IQGAP3: variants seen among roughly 807,000 people sequenced by gnomAD.
IQGAP3 encodes IQ motif containing GTPase activating protein 3.
In IQGAP3, 165 loss-of-function variants were observed where a neutral mutation model predicts 208.2. The observed-to-expected ratio is 0.79, with a 90% confidence interval of 0.70 to 0.90. The LOEUF is 0.90. IQGAP3 is among the 40% of genes least tolerant of loss of function. The probability of loss-of-function intolerance (pLI) is 0.00; values close to 1 mark genes in which losing one functional copy is unlikely to be tolerated. For synonymous variants in IQGAP3, 703 were observed against 803.6 expected (o/e 0.87, Z 2.12); for missense variants, 1,811 against 2,043.1 (o/e 0.89, Z 2.19).
rs768894935 is a variant in IQGAP3, at chr1:156,572,514, C to G, written c.16G>C (p.Ala6Pro). 2 of 1,612,362 alleles carry G rather than the reference C, an allele frequency of 1.2e-6. No homozygotes were observed. Among genetic ancestry groups the G allele is most frequent in the Non-Finnish European group, 1.7e-6 (2 of 1,179,988 alleles). ...TCACAGGCTGCCCAGCCTGGGCCCG[C>G]TGCTCTCCTCTCCATGTTCCTCCTT... MERRA[A>P]GPGWAAYERL... The change falls in exon 1 of 38, where the codon GCG becomes CCG. Residue 6 changes from alanine to proline, a missense_variant. By Grantham distance (27) the Ala-to-Pro change is conservative. Coordinates refer to ENST00000361170, the MANE Select transcript of IQGAP3 (RefSeq NM_178229.5).
chr1:156,572,320 T>G (rs1676681591), intron 1 of IQGAP3, among the ~76,000 whole-genome samples, 173 bp downstream of exon 1: 1 of 152,216 alleles, frequency 6.6e-6, no homozygotes, highest in African/African-American at 2.4e-5. Context: ...CCGCTCACAG[T>G]TCCACTCGGG....
chr1:156,533,354 C>T (rs1674516228), intron 31 of IQGAP3, among the ~76,000 whole-genome samples: 1 of 152,156 alleles, frequency 6.6e-6, no homozygotes, highest in East Asian at 1.9e-4. Flanking sequence ...CCCACACCCT[C>T]AGCCCTGGGT....
intron 19 of IQGAP3, among the ~76,000 whole-genome samples, chr1:156,547,400 C>CACACAG (rs1675306450): frequency 6.6e-6 from 1 of 151,246 alleles, no homozygotes; most frequent in Non-Finnish European, 1.5e-5. Flanking sequence ...CACACACACA[C>CACACAG]ACACACACAC....
At chr1:156,534,293 G>T in intron 29 of IQGAP3, 152 bp from the exon 30 acceptor site, 2 of 1,247,356 alleles carry the variant, frequency 1.6e-6, no homozygotes, top group Non-Finnish European at 2.2e-6. Context: ...CCCTACCTCT[G>T]TCCCAGTGAC....
At chr1:156,561,120 T>C (rs1676130811) in intron 10 of IQGAP3, 99 bp from the exon 11 acceptor site, 7 of 781,240 alleles carry the variant, frequency 9.0e-6, no homozygotes, top group Non-Finnish European at 1.1e-5. Context: ...CCCAGCCACC[T>C]ACCCTCAATC....
intron 19 of IQGAP3, among the ~76,000 whole-genome samples, chr1:156,545,089 A>G (rs1675170724): frequency 7.7e-6 from 1 of 129,050 alleles, no homozygotes; most frequent in Non-Finnish European, 1.7e-5. Flanking sequence ...GTTCTCAGCA[A>G]ATCTTCCCAC....
chr1:156,535,097 G>A, intron 28 of IQGAP3, 66 bp downstream of exon 28: 1 of 1,174,000 alleles, frequency 8.5e-7, no homozygotes, highest in South Asian at 1.2e-5. Context: ...GTCTCAGTCT[G>A]GGGATTGCAG....
chr1:156,556,733 T>G, intron 11 of IQGAP3, 40 bp from the exon 12 acceptor site: 1 of 1,471,728 alleles, frequency 6.8e-7, no homozygotes, highest in Non-Finnish European at 9.0e-7. Context: ...TGGCCGGGCA[T>G]TCAGTGGCAT....
Position 156,563,154 on chromosome 1 carries a change from C to T in IQGAP3, c.778G>A (p.Ala260Thr), listed in dbSNP as rs190122865. Reference protein sequence around the residue: ...EMLAQAKMEKAANARNHDDRE... With the variant: ...EMLAQAKMEKTANARNHDDRE... ...CTTACATGGTTCCTGGCATTGGCTG[C>T]CTTCTCCATCTTGGCCTGGGCCAGC... The change falls in exon 8 of 38, where the codon GCA (alanine) becomes ACA (threonine). Residue 260 changes from alanine (A) to threonine (T), a missense_variant. Transcript: ENST00000361170. The T allele has an allele frequency of 2.0e-5, 32 of 1,603,002 alleles. No individual in the cohort carries two copies. The Admixed American group carries it at 4.7e-4, about 24-fold the overall frequency.
At position 156,566,012 on chromosome 1, in the gene IQGAP3, C is replaced by T. The variant is rs1344510655; in HGVS notation, c.360+15G>A. The stretch of plus-strand genomic sequence containing the variant: ...AGGAGTAAAGATGAATACCAATCTT[C>T]AGGCCCAGTATTACCGAAGGCAGAC... On this transcript the variant is annotated intron_variant, in intron 4 of 37. Coordinates refer to ENST00000361170, the MANE Select transcript of IQGAP3 (RefSeq NM_178229.5). 1 of 1,598,552 alleles carries T rather than the reference C, an allele frequency of 6.3e-7. No individual in the cohort carries two copies. The highest frequency in any genetic ancestry group is 8.6e-7 in the Non-Finnish European group (1 of 1,165,916).
intron 2 of IQGAP3, among the ~76,000 whole-genome samples, chr1:156,569,160 G>T (rs773294572): frequency 6.6e-6 from 1 of 151,904 alleles, no homozygotes; most frequent in African/African-American, 2.4e-5. Context: ...ATAAGCGAAC[G>T]TCCACATATT....
intron 36 of IQGAP3, 66 bp downstream of exon 36, chr1:156,528,443 C>T (rs965044279): frequency 1.7e-6 from 2 of 1,211,016 alleles, no homozygotes; most frequent in Non-Finnish European, 2.4e-6. Context: ...GGTGCCCAGC[C>T]CAGAGCTCCA....
intron 37 of IQGAP3, 98 bp downstream of exon 37, chr1:156,527,854 G>T: frequency 1.3e-6 from 1 of 766,678 alleles, no homozygotes. Context: ...CTGAGCTGGT[G>T]TCATCTGAGG....
In IQGAP3 at chr1:156,527,121, GCA is replaced by G. The variant is rs1441757952; in HGVS notation, c.4783-524_4783-523del. ...GCTGGGATTACAGGCGTGAGCCACT[GCA>G]CCCGGCCAAAATCATTTTTCTTACT... On this transcript the variant is annotated intron_variant, in intron 37 of 37. Transcript: ENST00000361170. Among the ~76,000 whole-genome samples the G allele has an allele frequency of 1.6e-4, 24 of 151,766 alleles. 2 individuals carry two copies. In the Middle Eastern group the frequency reaches 0.01, roughly 65 times the overall value.
At chr1:156,530,410 G>C (rs879038664) in intron 33 of IQGAP3, 93 bp from the exon 34 acceptor site, 2 of 1,086,494 alleles carry the variant, frequency 1.8e-6, no homozygotes, top group Non-Finnish European at 2.7e-6. Context: ...AACAAAGGGA[G>C]GCCTGAGCAT....
intron 4 of IQGAP3, among the ~76,000 whole-genome samples, chr1:156,565,308 T>C (rs1176518638): frequency 1.3e-5 from 2 of 152,158 alleles, no homozygotes; most frequent in East Asian, 1.9e-4. Context: ...TATATTTAGA[T>C]TCACAATAAA....
rs1231456487 is a variant in IQGAP3, at chr1:156,537,181, G to A, written c.3422C>T (p.Pro1141Leu). The A allele has an allele frequency of 2.8e-5, 45 of 1,612,746 alleles. No homozygotes were observed. The highest frequency in any genetic ancestry group is 3.7e-5 in the Non-Finnish European group (44 of 1,179,386). The change falls in exon 27 of 38, where the codon CCG becomes CTG. Residue 1141 changes from proline to leucine, a missense_variant and splice_region_variant. By Grantham distance (98) the Pro-to-Leu change is moderately conservative. Transcript: ENST00000361170. ...LAITSSVDQI[P>L]YGMRYVAKVL... ...GCTGGGGTGGGGCTGTTGCACATACGGAATTTGGTCCACAGATGAGGTGAT... is the reference window on the plus strand; with the variant it reads ...GCTGGGGTGGGGCTGTTGCACATACAGAATTTGGTCCACAGATGAGGTGAT...
intron 23 of IQGAP3, among the ~76,000 whole-genome samples, chr1:156,540,404 C>T (rs1369609466): frequency 1.3e-5 from 2 of 152,132 alleles, no homozygotes; most frequent in Non-Finnish European, 2.9e-5. Flanking sequence ...GGTGGACATT[C>T]TCATTATTCT....
At chr1:156,531,810 G>A (rs926634613) in intron 32 of IQGAP3, among the ~76,000 whole-genome samples, 8 of 151,912 alleles carry the variant, frequency 5.3e-5, no homozygotes, top group African/African-American at 1.9e-4. Context: ...TCACCATGTT[G>A]GCCAGGCTGG....
Sources: allele counts gnomAD v4.1 joint callset (sites outside exome capture counted in the v4.1 genomes callset), GRCh38; gene constraint gnomAD v4.1.1; transcripts MANE v1.5; gene names NCBI Gene and HGNC (gene_info 2026-07-23, HGNC 2026-07-21).